Variants in DEFB110 observed in about 807,000 individuals in gnomAD.
The protein encoded by DEFB110 is beta-defensin 110.
DEFB110 carries 4 observed loss-of-function variants against 2.5 expected under a neutral mutation model. The observed-to-expected ratio is 1.60, with a 90% confidence interval of 0.79 to 3.66. DEFB110 has a LOEUF of 3.66. Among genes scored for constraint, DEFB110 ranks in the 30% most tolerant of loss-of-function variants. DEFB110 has a pLI of 0.01. For synonymous variants in DEFB110, 29 were observed against 21.8 expected (o/e 1.33, Z -0.92); for missense variants, 94 against 75.4 (o/e 1.25, Z -0.91).
chr6:50,017,804 C>T (rs1037174723), downstream of DEFB110, among the ~76,000 whole-genome samples: 12 of 151,788 alleles, frequency 7.9e-5, no homozygotes, highest in African/African-American at 2.9e-4. Context: ...AATGGATCCA[C>T]AGAGAGGCCA....
At chr6:50,017,645 T>C (rs1989054418), downstream of DEFB110, among the ~76,000 whole-genome samples, 1 of 151,946 alleles carries the variant, frequency 6.6e-6, no homozygotes, top group Admixed American at 6.6e-5. Context: ...CTTTTGAAGA[T>C]ATTTACATTG....
At chr6:50,018,821 G>A (rs1314737771), downstream of DEFB110, 37 of 1,326,228 alleles carry the variant, frequency 2.8e-5, no homozygotes, top group Non-Finnish European at 3.3e-5. Flanking sequence ...CACCAGACAT[G>A]AGCGTGACAT....
downstream of DEFB110, among the ~76,000 whole-genome samples, chr6:50,016,863 T>G (rs183249204): frequency 6.6e-6 from 1 of 151,806 alleles, no homozygotes; most frequent in Admixed American, 6.6e-5. Context: ...CCTTAGAAAT[T>G]TAGATGGTTT....
chr6:50,013,527 T>G (rs1003544002), intron 1 of DEFB110, among the ~76,000 whole-genome samples: 1 of 151,844 alleles, frequency 6.6e-6, no homozygotes, highest in Non-Finnish European at 1.5e-5. Flanking sequence ...GATGATATTT[T>G]AAGCATCTTT....
chr6:50,016,464 T>C (rs140237028), downstream of DEFB110, among the ~76,000 whole-genome samples: 5 of 152,024 alleles, frequency 3.3e-5, no homozygotes, highest in African/African-American at 1.2e-4. Context: ...TTTAACATTA[T>C]CTAGTTCTTT....
intron 1 of DEFB110, among the ~76,000 whole-genome samples, chr6:50,009,650 T>C (rs1212995825): frequency 6.6e-6 from 1 of 152,140 alleles, no homozygotes; most frequent in African/African-American, 2.4e-5. Context: ...TAGTTATAAT[T>C]TATTTTGATT....
chr6:50,011,011 TA>T (rs1774218341), intron 1 of DEFB110, among the ~76,000 whole-genome samples: 1 of 151,988 alleles, frequency 6.6e-6, no homozygotes, highest in East Asian at 1.9e-4. Context: ...TAGAACCATA[TA>T]AAAACAAAAA....
rs1774423245 is a variant in DEFB110, at chr6:50,021,878, T to C, written c.55+3A>G. 2 of 1,557,142 alleles carry C rather than the reference T, an allele frequency of 1.3e-6. No individual in the cohort carries two copies. The highest frequency in any genetic ancestry group is 2.2e-5 in the Admixed American group (1 of 46,064). On this transcript the variant is annotated splice_donor_region_variant and intron_variant, in intron 1 of 1. Coordinates refer to ENST00000371148, the MANE Select transcript of DEFB110 (RefSeq NM_001037497.2). ...TAAATCCCCACAAATATTTGCATAT[T>C]ACCTGGTAAAATTGTGACCCAAAAG...
intron 1 of DEFB110, among the ~76,000 whole-genome samples, chr6:50,013,420 A>G (rs1200889924): frequency 2.0e-5 from 3 of 151,884 alleles, no homozygotes; most frequent in African/African-American, 4.8e-5. Flanking sequence ...TAGAAATTAT[A>G]TGGATGTGAA....
At chr6:50,014,229 C>T (rs1173384692), downstream of DEFB110, among the ~76,000 whole-genome samples, 1 of 151,758 alleles carries the variant, frequency 6.6e-6, no homozygotes, top group Non-Finnish European at 1.5e-5. Context: ...TTTGAGTTTG[C>T]TTTAGGAAAA....
intron 1 of DEFB110, among the ~76,000 whole-genome samples, chr6:50,012,806 G>C (rs1317281706): frequency 1.3e-5 from 2 of 151,764 alleles, no homozygotes; most frequent in East Asian, 3.9e-4. Flanking sequence ...TCCTGTGATA[G>C]GTGGGGACAA....
At chr6:50,012,742 C>T (rs1179244649) in intron 1 of DEFB110, among the ~76,000 whole-genome samples, 1 of 151,824 alleles carries the variant, frequency 6.6e-6, no homozygotes, top group African/African-American at 2.4e-5. Flanking sequence ...GAAGAGAATG[C>T]TCTTTTTGTG....
At position 50,021,941 on chromosome 6, in the gene DEFB110, A is replaced by G; in HGVS notation, c.-6T>C. On this transcript the variant is annotated 5_prime_UTR_variant, in exon 1 of 2. Coordinates refer to ENST00000371148, the MANE Select transcript of DEFB110 (RefSeq NM_001037497.2). ...AAAAAAAGTTGAATCTTCATGGTAG[A>G]GAGTTTCTTAAAAAAAGGGGGCAAC... 1.9e-6 allele frequency: 3 copies of G among 1,543,074 alleles called. No individual in the cohort carries two copies. Among genetic ancestry groups the G allele is most frequent in the South Asian group, 1.3e-5 (1 of 78,224 alleles).
downstream of DEFB110, among the ~76,000 whole-genome samples, chr6:50,014,478 C>G (rs1774282891): frequency 6.6e-6 from 1 of 151,654 alleles, no homozygotes; most frequent in South Asian, 2.1e-4. Flanking sequence ...CTAATTAGAA[C>G]CATATAAGGT....
At chr6:50,017,696 ATC>A (rs376436737), downstream of DEFB110, among the ~76,000 whole-genome samples, 35 of 152,048 alleles carry the variant, frequency 2.3e-4, no homozygotes, top group East Asian at 5.2e-3. Flanking sequence ...TGTAAATTTT[ATC>A]TGAGTGGAGA....
downstream of DEFB110, among the ~76,000 whole-genome samples, chr6:50,018,286 A>C (rs1181061594): frequency 6.6e-6 from 1 of 151,976 alleles, no homozygotes; most frequent in Non-Finnish European, 1.5e-5. Flanking sequence ...ACTATTAGTC[A>C]TAATTTTTGA....
At chr6:50,016,630 T>A (rs1177333785), downstream of DEFB110, among the ~76,000 whole-genome samples, 1 of 151,836 alleles carries the variant, frequency 6.6e-6, no homozygotes, top group Non-Finnish European at 1.5e-5. Flanking sequence ...CACCTTTATC[T>A]TTTTAAGGAA....
At chr6:50,009,295 A>G (rs1458503631) in intron 1 of DEFB110, 1 of 1,579,706 alleles carries the variant, frequency 6.3e-7, no homozygotes, top group Non-Finnish European at 8.5e-7. Context: ...AAATATCTAA[A>G]GTTATTAGTC....
intron 1 of DEFB110, among the ~76,000 whole-genome samples, chr6:50,012,407 G>A (rs1277375185): frequency 1.3e-5 from 2 of 151,870 alleles, no homozygotes; most frequent in Non-Finnish European, 2.9e-5. Flanking sequence ...GAATGCATAT[G>A]TTATTACAGA....
Sources: gnomAD v4.1 joint callset for allele counts (sites outside exome capture counted in the v4.1 genomes callset) on GRCh38, gnomAD v4.1.1 for gene constraint, MANE v1.5 for transcripts, NCBI Gene and HGNC (gene_info 2026-07-23, HGNC 2026-07-21) for gene names.